The following CPED1 variants were observed in gnomAD, a reference collection of about 807,000 sequenced individuals.
The protein encoded by CPED1 is cadherin like and PC-esterase domain containing 1.
CPED1 carries 114 observed loss-of-function variants against 128.2 expected under a neutral mutation model. The ratio of observed to expected loss-of-function variants is 0.89; its 90% CI spans 0.76 to 1.04. The LOEUF is 1.04. CPED1 is among the 50% of genes least tolerant of loss of function. The probability of loss-of-function intolerance (pLI) is 0.00; values close to 1 mark genes in which losing one functional copy is unlikely to be tolerated. For missense variants in CPED1, 1,211 were observed against 1,207.1 expected (o/e 1.00, Z -0.05); for synonymous variants, 462 against 426.7 (o/e 1.08, Z -1.02).
At chr7:121,200,648 GT>G (rs1257447367) in intron 16 of CPED1, among the ~76,000 whole-genome samples, 1 of 151,964 alleles carries the variant, frequency 6.6e-6, no homozygotes, top group Admixed American at 6.6e-5. Flanking sequence ...AAATTTTAAA[GT>G]TTTTTTAAAA....
intron 2 of CPED1, among the ~76,000 whole-genome samples, chr7:120,991,046 G>A (rs1421706207): frequency 6.6e-6 from 1 of 152,210 alleles, no homozygotes; most frequent in African/African-American, 2.4e-5. Context: ...CTATCAAGCT[G>A]CTTGGTTCCT....
At chr7:121,067,481 C>T (rs375732263) in intron 5 of CPED1, among the ~76,000 whole-genome samples, 1 of 152,046 alleles carries the variant, frequency 6.6e-6, no homozygotes, top group Admixed American at 6.6e-5. Flanking sequence ...CCATGGTGTA[C>T]ACGTGCCACA....
intron 2 of CPED1, among the ~76,000 whole-genome samples, chr7:121,011,044 A>G (rs960844896): frequency 1.3e-5 from 2 of 152,214 alleles, no homozygotes; most frequent in Non-Finnish European, 2.9e-5. Context: ...GATAGACTCT[A>G]TAATATTTCT....
At chr7:121,277,136 T>C (rs1321976654) in intron 22 of CPED1, among the ~76,000 whole-genome samples, 1 of 151,980 alleles carries the variant, frequency 6.6e-6, no homozygotes, top group Non-Finnish European at 1.5e-5. Context: ...AAAAATGATA[T>C]CTATAGATCT....
intron 16 of CPED1, among the ~76,000 whole-genome samples, chr7:121,180,620 A>G (rs1796879343): frequency 6.6e-6 from 1 of 151,958 alleles, no homozygotes; most frequent in African/African-American, 2.4e-5. Context: ...TCTTTCATAT[A>G]CTATTATTAG....
At chr7:121,104,845 C>T (rs1794934161) in intron 7 of CPED1, among the ~76,000 whole-genome samples, 1 of 151,976 alleles carries the variant, frequency 6.6e-6, no homozygotes, top group Non-Finnish European at 1.5e-5. Flanking sequence ...TGCTATAAGC[C>T]AGCCACTCTA....
intron 4 of CPED1, among the ~76,000 whole-genome samples, chr7:121,047,749 C>T (rs1793252315): frequency 6.9e-6 from 1 of 144,696 alleles, no homozygotes; most frequent in African/African-American, 2.7e-5. Context: ...CTTGCTCCAT[C>T]GCCCAGGCTG....
At chr7:121,267,573 T>C (rs898829166) in intron 21 of CPED1, among the ~76,000 whole-genome samples, 8 of 151,574 alleles carry the variant, frequency 5.3e-5, no homozygotes, top group Admixed American at 6.6e-5. Context: ...TTTTTGAAGA[T>C]GATTTCCAAA....
At chr7:121,226,107 C>T (rs1373077367) in intron 16 of CPED1, among the ~76,000 whole-genome samples, 3 of 152,052 alleles carry the variant, frequency 2.0e-5, no homozygotes, top group South Asian at 2.1e-4. Flanking sequence ...TTTTCCCCAT[C>T]GTTATGGTTT....
At chr7:121,062,854 C>T (rs1793711206) in intron 4 of CPED1, 1 of 152,148 alleles carries the variant, frequency 6.6e-6, no homozygotes, top group Non-Finnish European at 1.5e-5. Context: ...GGGATTTTCC[C>T]TTTCACTTGG....
rs923518125 is a variant in CPED1, at chr7:121,176,260, A to G, written c.2055+34119A>G. ...GAATTGCATAGTTAGTTAAATAACT[A>G]ATAGTAATAAGCCTCCTATAATTGA... On this transcript the variant is annotated intron_variant, in intron 16 of 22. Coordinates refer to ENST00000310396, the MANE Select transcript of CPED1 (RefSeq NM_024913.5). 4.6e-5 allele frequency among the ~76,000 whole-genome samples: 7 copies of G among 151,526 alleles called. No homozygotes were observed. The East Asian group carries it at 1.2e-3, about 25-fold the overall frequency.
intron 16 of CPED1, among the ~76,000 whole-genome samples, chr7:121,146,196 T>A (rs539400932): frequency 6.6e-6 from 1 of 152,134 alleles, no homozygotes; most frequent in South Asian, 2.1e-4. Context: ...TCGTGCTGCA[T>A]CCTCACATGG....
intron 16 of CPED1, among the ~76,000 whole-genome samples, chr7:121,182,913 TC>T (rs1414264782): frequency 3.3e-5 from 5 of 152,066 alleles, no homozygotes; most frequent in Non-Finnish European, 7.4e-5. Flanking sequence ...CTCCTTTTTT[TC>T]CTCACTCCCC....
chr7:121,158,411 C>T (rs980235095), intron 16 of CPED1, among the ~76,000 whole-genome samples: 2 of 152,236 alleles, frequency 1.3e-5, no homozygotes, highest in East Asian at 1.9e-4. Flanking sequence ...GGACACATGC[C>T]GCTGATGAAC....
At chr7:121,278,004 C>T (rs556729771) in intron 22 of CPED1, among the ~76,000 whole-genome samples, 1 of 152,034 alleles carries the variant, frequency 6.6e-6, no homozygotes, top group South Asian at 2.1e-4. Context: ...GTGAGGATTC[C>T]AAAATAATGT....
intron 3 of CPED1, among the ~76,000 whole-genome samples, chr7:121,040,584 T>C (rs1793024885): frequency 6.6e-6 from 1 of 152,100 alleles, no homozygotes. Context: ...ATGAACATAA[T>C]ACTATGCACT....
At chr7:120,990,173 T>C (rs533757409) in intron 2 of CPED1, among the ~76,000 whole-genome samples, 2 of 152,216 alleles carry the variant, frequency 1.3e-5, no homozygotes, top group Non-Finnish European at 2.9e-5. Flanking sequence ...ATCAGTATTC[T>C]AAGAGATCTG....
At chr7:121,117,077 T>TTATATATATATATATAAATATA (rs1554436997) in intron 7 of CPED1, among the ~76,000 whole-genome samples, 1 of 128,802 alleles carries the variant, frequency 7.8e-6, no homozygotes, top group African/African-American at 3.0e-5. Flanking sequence ...TATATACACA[T>TTATATATATATATATAAATATA]TATATATATA....
intron 3 of CPED1, among the ~76,000 whole-genome samples, chr7:121,028,164 T>G (rs1326618042): frequency 6.6e-6 from 1 of 152,070 alleles, no homozygotes; most frequent in Non-Finnish European, 1.5e-5. Flanking sequence ...TGCTGGGCCC[T>G]ACTCACAGTA....
Sources: allele counts gnomAD v4.1 joint callset (sites outside exome capture counted in the v4.1 genomes callset), GRCh38; gene constraint gnomAD v4.1.1; transcripts MANE v1.5; gene names NCBI Gene and HGNC (gene_info 2026-07-23, HGNC 2026-07-21).